C6: variants seen among roughly 807,000 people sequenced by gnomAD.
C6 encodes the protein complement C6.
A neutral mutation model predicts 112.9 loss-of-function variants in C6; 101 were observed. That is an observed-to-expected ratio of 0.89 (90% CI 0.76 to 1.06). The LOEUF is 1.06. C6 is among the 50% of genes least tolerant of loss of function. The pLI is 0.00. For missense variants in C6, 1,202 were observed against 1,104.6 expected, an observed-to-expected ratio of 1.09 and a Z score of -1.25; for synonymous variants, 431 against 384.1, an observed-to-expected ratio of 1.12 and a Z score of -1.43.
At chr5:41,178,201 G>C (rs1388478323) in intron 7 of C6, among the ~76,000 whole-genome samples, 3 of 152,022 alleles carry the variant, frequency 2.0e-5, no homozygotes, top group Non-Finnish European at 4.4e-5. Flanking sequence ...GTGAGGTCCT[G>C]CTTTATTTTA....
chr5:41,147,282 G>C (rs1177167903), intron 17 of C6, among the ~76,000 whole-genome samples: 1 of 152,182 alleles, frequency 6.6e-6, no homozygotes, highest in East Asian at 1.9e-4. Flanking sequence ...TGTCTAAAAA[G>C]TTATTTAATA....
rs76969874 is a variant in C6, at chr5:41,245,969, A to T, written c.-21+15225T>A. On this transcript the variant is annotated intron_variant, in intron 1 of 17. Transcript: ENST00000263413. ...GGCCTCCTAAAATGAATAGGAAATT[A>T]TCCCTCTGAAGAAGGTTTCCTTCCC... Among the ~76,000 whole-genome samples the T allele has an allele frequency of 2.3e-3, 355 of 152,330 alleles. 2 individuals are homozygous for T. The highest frequency in any genetic ancestry group is 8.3e-3 in the African/African-American group (346 of 41,582).
chr5:41,260,756 C>T (rs1054583496), intron 1 of C6, among the ~76,000 whole-genome samples: 1 of 149,360 alleles, frequency 6.7e-6, no homozygotes, highest in Admixed American at 6.7e-5. Context: ...GCCTGGGCAA[C>T]AAGAGTGAAA....
At chr5:41,155,250 A>C (rs1746786863) in intron 13 of C6, 146 bp from the exon 14 acceptor site, 1 of 726,236 alleles carries the variant, frequency 1.4e-6, no homozygotes, top group East Asian at 2.7e-5. Flanking sequence ...AAAACCTGTT[A>C]AAGTTCTCTG....
intron 5 of C6, among the ~76,000 whole-genome samples, chr5:41,191,444 T>C (rs1750207644): frequency 6.6e-6 from 1 of 152,234 alleles, no homozygotes; most frequent in Non-Finnish European, 1.5e-5. Flanking sequence ...TCTATTGCTG[T>C]AAAGCAAGTC....
At chr5:41,161,235 G>T (rs1747463434) in intron 10 of C6, among the ~76,000 whole-genome samples, 1 of 152,074 alleles carries the variant, frequency 6.6e-6, no homozygotes, top group Non-Finnish European at 1.5e-5. Context: ...ACCTTTTAAT[G>T]TAATTACAAC....
In C6 at chr5:41,155,042, T is replaced by G. The variant is rs147228419; in HGVS notation, c.2031A>C (p.Glu677Asp). Residue 677 changes from glutamate to aspartate, a missense_variant, in exon 14 of 18, where the codon GAA (glutamate) becomes GAC (aspartate). Transcript: ENST00000337836. ...DVEISCLTGF[E>D]TVGYQYFRCL... ...ATCTGAAGTACTGGTATCCAACAGTTTCAAAGCCAGTAAGGCATGAAATTT... is the reference window on the plus strand; with the variant it reads ...ATCTGAAGTACTGGTATCCAACAGTGTCAAAGCCAGTAAGGCATGAAATTT... 14 of 1,613,574 alleles carry G rather than the reference T, an allele frequency of 8.7e-6. No individual in the cohort carries two copies. In the African/African-American group the frequency reaches 1.9e-4, roughly 22 times the overall value.
chr5:41,189,448 T>C (rs938559892), intron 5 of C6, among the ~76,000 whole-genome samples: 2 of 152,074 alleles, frequency 1.3e-5, no homozygotes, highest in Non-Finnish European at 2.9e-5. Context: ...TCTCATACAA[T>C]GGAATGAAGT....
At chr5:41,244,668 C>A (rs191121966) in intron 1 of C6, among the ~76,000 whole-genome samples, 5 of 152,266 alleles carry the variant, frequency 3.3e-5, no homozygotes, top group African/African-American at 1.2e-4. Context: ...TCTTAGATGT[C>A]CCCAGGGGAA....
upstream of C6, among the ~76,000 whole-genome samples, chr5:41,218,060 A>T (rs1429676583): frequency 4.6e-5 from 7 of 152,160 alleles, no homozygotes; most frequent in East Asian, 1.3e-3. Context: ...CACTCAATTC[A>T]CAAATATTTA....
At chr5:41,191,532 C>A (rs1750214057) in intron 5 of C6, among the ~76,000 whole-genome samples, 1 of 152,146 alleles carries the variant, frequency 6.6e-6, no homozygotes, top group African/African-American at 2.4e-5. Flanking sequence ...TAGTAATATT[C>A]CAATCCATAA....
intron 1 of C6, among the ~76,000 whole-genome samples, chr5:41,257,308 A>T (rs570350263): frequency 6.6e-6 from 1 of 152,186 alleles, no homozygotes; most frequent in South Asian, 2.1e-4. Context: ...TTCACTTAGG[A>T]TAATGACCTC....
chr5:41,153,556 G>A (rs1005421644), intron 15 of C6, among the ~76,000 whole-genome samples: 1 of 152,128 alleles, frequency 6.6e-6, no homozygotes, highest in Non-Finnish European at 1.5e-5. Context: ...TTTATTTAAG[G>A]TTATTCAAAA....
At chr5:41,148,751 T>C (rs1331752742) in intron 17 of C6, among the ~76,000 whole-genome samples, 2 of 152,182 alleles carry the variant, frequency 1.3e-5, no homozygotes, top group East Asian at 1.9e-4. Context: ...GCTCAGGGTG[T>C]CCTGCCTGAA....
chr5:41,149,563 C>T (rs1235189068), intron 16 of C6, 81 bp from the exon 17 acceptor site: 2 of 1,570,150 alleles, frequency 1.3e-6, no homozygotes, highest in African/African-American at 2.7e-5. Context: ...AGTGTGTTCA[C>T]TCACCAACCA....
chr5:41,170,999 G>A (rs1748381229), intron 9 of C6, among the ~76,000 whole-genome samples: 1 of 152,114 alleles, frequency 6.6e-6, no homozygotes, highest in African/African-American at 2.4e-5. Flanking sequence ...TCATGAATAA[G>A]ATTTTCCATA....
chr5:41,253,002 G>A (rs927904855), intron 1 of C6, among the ~76,000 whole-genome samples: 2 of 152,154 alleles, frequency 1.3e-5, no homozygotes, highest in African/African-American at 4.8e-5. Flanking sequence ...TTGAGGTTGT[G>A]TTCCAGGCCA....
chr5:41,152,434 T>C (rs1252619109), intron 15 of C6, among the ~76,000 whole-genome samples: 1 of 152,120 alleles, frequency 6.6e-6, no homozygotes, highest in East Asian at 1.9e-4. Context: ...TGGATCTGAC[T>C]ATTCAGGCAT....
intron 14 of C6, 28 bp downstream of exon 14, chr5:41,154,944 C>A (rs748152752): frequency 6.2e-7 from 1 of 1,611,968 alleles, no homozygotes; most frequent in Admixed American, 1.7e-5. Flanking sequence ...GTAAAGTAGT[C>A]AAGCAAAATT....
Sources: gnomAD v4.1 joint callset for allele counts (sites outside exome capture counted in the v4.1 genomes callset) on GRCh38, gnomAD v4.1.1 for gene constraint, MANE v1.5 for transcripts, NCBI Gene and HGNC (gene_info 2026-07-23, HGNC 2026-07-21) for gene names.